The following CDH23 variants were observed in gnomAD, a reference collection of about 807,000 sequenced individuals.
CDH23 encodes the protein cadherin-23.
Under a neutral mutation model 317.1 loss-of-function variants are expected in CDH23, and 189 were observed. The observed-to-expected ratio is 0.60, with a 90% CI of 0.53 to 0.67. The LOEUF is 0.67. CDH23 is among the 30% of genes least tolerant of loss of function. The pLI, the probability that CDH23 is intolerant of heterozygous loss-of-function variation, is 0.00. For synonymous variants in CDH23, 1,839 were observed against 1,876.8 expected, an observed-to-expected ratio of 0.98 and a Z score of 0.52; for missense variants, 4,401 against 4,592.4, an observed-to-expected ratio of 0.96 and a Z score of 1.20.
intron 15 of CDH23, 74 bp downstream of exon 15, chr10:71,675,250 G>A (rs2132664783): frequency 7.7e-7 from 1 of 1,295,410 alleles, no homozygotes; most frequent in Non-Finnish European, 1.1e-6. Flanking sequence ...TGAGATCTGG[G>A]AACTTTTCAG....
intron 3 of CDH23, among the ~76,000 whole-genome samples, chr10:71,449,155 G>C (rs973918488): frequency 1.3e-5 from 2 of 152,236 alleles, no homozygotes; most frequent in Non-Finnish European, 2.9e-5. Flanking sequence ...CCCAGGGATG[G>C]CAGATTGGGC....
chr10:71,623,716 AC>A (rs1258689826), intron 11 of CDH23, among the ~76,000 whole-genome samples: 17 of 152,010 alleles, frequency 1.1e-4, no homozygotes, highest in Admixed American at 2.0e-4. Flanking sequence ...AAGCTGGAGA[AC>A]CCCCAGTTCC....
Position 71,705,257 on chromosome 10 carries a change from T to A in CDH23, c.2953+127T>A. The A allele has an allele frequency of 1.1e-5, 10 of 877,498 alleles. No homozygotes were observed. The South Asian group carries it at 1.6e-4, about 14-fold the overall frequency. The allele number at this position is 877,498 out of a possible 1,614,324, so 54.4% of individuals were successfully genotyped here. A position where few individuals can be genotyped will look rare whatever the true frequency, so the allele number is the denominator to read the frequency against. ...TTGGACTTGTAGGCACAGGCTCCCT[T>A]GTTAATGAGGTGCCCTCCCCAGCTG... On this transcript the variant is annotated intron_variant, in intron 25 of 69. Coordinates refer to ENST00000224721, the MANE Select transcript of CDH23 (RefSeq NM_022124.6).
At chr10:71,614,107 C>T (rs552507475) in intron 9 of CDH23, among the ~76,000 whole-genome samples, 2 of 152,364 alleles carry the variant, frequency 1.3e-5, no homozygotes, top group Admixed American at 6.5e-5. Context: ...GAATTAATGA[C>T]CCCTCCTCTA....
chr10:71,794,668 G>C (rs1055808129), intron 48 of CDH23: 1 of 152,222 alleles, frequency 6.6e-6, no homozygotes. Context: ...GTGGACATTA[G>C]GATGCTGGAC....
intron 3 of CDH23, among the ~76,000 whole-genome samples, chr10:71,502,375 T>C (rs961616999): frequency 3.3e-5 from 5 of 152,138 alleles, no homozygotes; most frequent in Admixed American, 6.6e-5. Flanking sequence ...GCAGATTCAC[T>C]GGGAAAAGGT....
chr10:71,707,555 G>A (rs970700015), intron 26 of CDH23: 48 of 1,019,940 alleles, frequency 4.7e-5, no homozygotes, highest in African/African-American at 1.5e-4. Context: ...CAGATGATGA[G>A]GCCATGTCCT....
At chr10:71,691,202 T>C (rs1443253759) in intron 20 of CDH23, among the ~76,000 whole-genome samples, 1 of 152,222 alleles carries the variant, frequency 6.6e-6, no homozygotes, top group Non-Finnish European at 1.5e-5. Flanking sequence ...ATTCCTCAGT[T>C]TTCTCTCTTC....
Position 71,732,020 on chromosome 10 carries a change from CG to C in CDH23, c.3752del (p.Gly1251AlafsTer18), listed in dbSNP as rs1839407721. The C allele has an allele frequency of 6.2e-7, 1 of 1,613,778 alleles. No individual in the cohort carries two copies. Among genetic ancestry groups the C allele is most frequent in the Non-Finnish European group, 8.5e-7 (1 of 1,179,866 alleles). ...DGGLVNYRIL[S>X]GAEGKFEIDE... ...GGCCTGGTGAACTACCGCATCCTGTCGGGCGCAGAGGGGAAGTTTGAGATTG... is the reference window on the plus strand; with the variant it reads ...GGCCTGGTGAACTACCGCATCCTGTCGGCGCAGAGGGGAAGTTTGAGATTG... On this transcript the variant is annotated frameshift_variant, in exon 32 of 70. Coordinates refer to ENST00000224721, the MANE Select transcript of CDH23 (RefSeq NM_022124.6). LOFTEE classifies it high-confidence loss of function.
At chr10:71,548,005 C>T (rs1157695177) in intron 6 of CDH23, among the ~76,000 whole-genome samples, 1 of 152,236 alleles carries the variant, frequency 6.6e-6, no homozygotes, top group Non-Finnish European at 1.5e-5. Context: ...CTGGCCGCTG[C>T]TCCTCCAGCC....
intron 45 of CDH23, 124 bp from the exon 46 acceptor site, chr10:71,790,164 C>G (rs1349975774): frequency 7.3e-7 from 1 of 1,362,900 alleles, no homozygotes; most frequent in Non-Finnish European, 9.9e-7. Flanking sequence ...CCTCCCCACC[C>G]TGTCCACCTC....
intron 1 of CDH23, among the ~76,000 whole-genome samples, chr10:71,401,066 C>T (rs896634607): frequency 6.6e-6 from 1 of 152,142 alleles, no homozygotes; most frequent in Non-Finnish European, 1.5e-5. Flanking sequence ...ATTTACAAGT[C>T]GAACCCTACT....
chr10:71,636,242 G>A (rs936026895), intron 11 of CDH23, among the ~76,000 whole-genome samples: 6 of 152,122 alleles, frequency 3.9e-5, no homozygotes, highest in African/African-American at 1.2e-4. Context: ...ACAGTGGGCC[G>A]GGTGCGGTAG....
chr10:71,748,504 T>C (rs1281539040), intron 38 of CDH23: 1 of 152,266 alleles, frequency 6.6e-6, no homozygotes, highest in Non-Finnish European at 1.5e-5. Flanking sequence ...AGCCTCTCCC[T>C]GGGAGGGAAT....
Position 71,807,579 on chromosome 10 carries a change from T to C in CDH23, c.8372T>C (p.Leu2791Pro), listed in dbSNP as rs755858058. Residue 2791 changes from leucine (L) to proline (P), a missense_variant, in exon 59 of 70, where the codon CTG becomes CCG. Around this residue, in one of 3 missense-constraint regions of CDH23, gnomAD observed 1,144 missense variants for 1,138.2 expected, o/e 1.01. Coordinates refer to ENST00000224721, the MANE Select transcript of CDH23 (RefSeq NM_022124.6). ...GGGTGTCTGCTGGTGCTGCGGGACC[T>C]GGACCGGGAGCGAGAAGCCATCTTC... ...PDGCLLVLRDLDREREAIFSF... is the reference protein window; with the variant it reads ...PDGCLLVLRDPDREREAIFSF... 6.2e-7 allele frequency: 1 copy of C among 1,614,002 alleles called. No homozygotes were observed. Among genetic ancestry groups the C allele is most frequent in the Non-Finnish European group, 8.5e-7 (1 of 1,179,890 alleles).
intron 3 of CDH23, among the ~76,000 whole-genome samples, chr10:71,480,587 G>C (rs1298806696): frequency 6.6e-6 from 1 of 152,204 alleles, no homozygotes; most frequent in Non-Finnish European, 1.5e-5. Context: ...CAGTGAGGAG[G>C]GCAGAGGAAC....
chr10:71,601,589 A>T (rs1433760677), intron 9 of CDH23, among the ~76,000 whole-genome samples: 1 of 152,074 alleles, frequency 6.6e-6, no homozygotes, highest in African/African-American at 2.4e-5. Flanking sequence ...TAAAACTGAA[A>T]ACGTCCTGGG....
chr10:71,698,536 G>A (rs1405433708), intron 22 of CDH23, among the ~76,000 whole-genome samples: 21 of 121,784 alleles, frequency 1.7e-4, no homozygotes, highest in Admixed American at 9.1e-4. Flanking sequence ...ACACACCCAC[G>A]CCCACAACCA....
chr10:71,688,660 G>T, intron 19 of CDH23, among the ~76,000 whole-genome samples: 1 of 139,778 alleles, frequency 7.2e-6, no homozygotes. Flanking sequence ...ATGGAGCCAG[G>T]GGTGGTGGAG....
Sources: allele counts gnomAD v4.1 joint callset (sites outside exome capture counted in the v4.1 genomes callset), GRCh38; gene constraint gnomAD v4.1.1; regional missense constraint gnomAD v4.1.1; transcripts MANE v1.5; gene names NCBI Gene and HGNC (gene_info 2026-07-23, HGNC 2026-07-21).